Variants in RHBDL3 observed in about 807,000 individuals in gnomAD.
RHBDL3 encodes rhomboid like 3.
RHBDL3 carries 28 observed loss-of-function variants against 48.2 expected under a neutral mutation model. The ratio of observed to expected loss-of-function variants is 0.58; its 90% CI spans 0.43 to 0.80. The LOEUF (loss-of-function observed/expected upper bound fraction) is 0.80, where lower values mean the gene tolerates loss of function less well. RHBDL3 is among the 30% of genes least tolerant of loss of function. The pLI, the probability that RHBDL3 is intolerant of heterozygous loss-of-function variation, is 0.00. For synonymous variants in RHBDL3, 208 were observed against 232.3 expected, an observed-to-expected ratio of 0.90 and a Z score of 0.95; for missense variants, 464 against 542.7, an observed-to-expected ratio of 0.85 and a Z score of 1.44.
Position 32,321,415 on chromosome 17 carries a change from G to A in RHBDL3, c.*186G>A, listed in dbSNP as rs950810437. ...GACCCTTTTCTGAAAGGCATCTGGC[G>A]GAGGAGTTGATGTGGCTGCTGTCGT... On this transcript the variant is annotated 3_prime_UTR_variant, in exon 9 of 9. Coordinates refer to ENST00000269051, the MANE Select transcript of RHBDL3 (RefSeq NM_138328.3). 7.4e-5 allele frequency: 112 copies of A among 1,512,782 alleles called. No individual in the cohort carries two copies. The highest frequency in any genetic ancestry group is 9.6e-5 in the Non-Finnish European group (108 of 1,130,158). The allele number at this position is 1,512,782 out of a possible 1,614,324, so 93.7% of individuals were successfully genotyped here. A position where few individuals can be genotyped will look rare whatever the true frequency, so the allele number is the denominator to read the frequency against.
At position 32,305,409 on chromosome 17, in the gene RHBDL3, C is replaced by CT; in HGVS notation, c.851dup (p.Val285ArgfsTer179). 6.2e-7 allele frequency: 1 copy of CT among 1,613,470 alleles called. No individual in the cohort carries two copies. On this transcript the variant is annotated frameshift_variant, in exon 7 of 9. Transcript: ENST00000269051. LOFTEE classifies it high-confidence loss of function. The stretch of plus-strand genomic sequence containing the variant: ...GGGCTCTTCTGGAGGGGTGTATGCT[C>CT]TCGTCTCTGCCCATCTGGCCAACAT...
chr17:32,270,857 T>A (rs931753537), intron 2 of RHBDL3, among the ~76,000 whole-genome samples: 1 of 152,178 alleles, frequency 6.6e-6, no homozygotes, highest in African/African-American at 2.4e-5. Context: ...AGATTTAAAA[T>A]TTACCATAAA....
At chr17:32,312,469 C>T (rs1463741458) in intron 7 of RHBDL3, among the ~76,000 whole-genome samples, 2 of 151,974 alleles carry the variant, frequency 1.3e-5, no homozygotes, top group Admixed American at 1.3e-4. Flanking sequence ...AAGATATTTA[C>T]TCAGAGGGGG....
At chr17:32,274,150 G>C (rs1348662421) in intron 2 of RHBDL3, among the ~76,000 whole-genome samples, 1 of 152,232 alleles carries the variant, frequency 6.6e-6, no homozygotes, top group African/African-American at 2.4e-5. Context: ...GAACTTTCCA[G>C]AGAGAAAGGA....
Position 32,320,981 on chromosome 17 carries a change from G to A in RHBDL3, c.967G>A (p.Val323Met), listed in dbSNP as rs761559210. 12 of 1,612,994 alleles carry A rather than the reference G, an allele frequency of 7.4e-6. No individual in the cohort carries two copies. Among genetic ancestry groups the A allele is most frequent in the Admixed American group, 1.7e-5 (1 of 60,008 alleles). Residue 323 changes from valine (V) to methionine (M), a missense_variant, in exon 9 of 9, where the codon GTG (valine) becomes ATG (methionine). By Grantham distance (21) the Val-to-Met change is conservative. Coordinates refer to ENST00000269051, the MANE Select transcript of RHBDL3 (RefSeq NM_138328.3). ...ICMSMEFGRAVWLRFHPSAYP... is the reference protein window; with the variant it reads ...ICMSMEFGRAMWLRFHPSAYP... Reference sequence around the variant, plus strand: ...AGTGAGCATGGAGTTTGGGCGGGCCGTGTGGCTCCGCTTCCACCCGTCGGC... The same window carrying A: ...AGTGAGCATGGAGTTTGGGCGGGCCATGTGGCTCCGCTTCCACCCGTCGGC...
At chr17:32,320,203 G>A (rs1164987761) in intron 8 of RHBDL3, among the ~76,000 whole-genome samples, 1 of 152,114 alleles carries the variant, frequency 6.6e-6, no homozygotes, top group Non-Finnish European at 1.5e-5. Context: ...AGCCCGGGAG[G>A]TTGAGGCTGA....
At chr17:32,301,618 T>C (rs2040585293) in intron 6 of RHBDL3, among the ~76,000 whole-genome samples, 1 of 151,810 alleles carries the variant, frequency 6.6e-6, no homozygotes, top group Non-Finnish European at 1.5e-5. Context: ...ATGGGGAGTT[T>C]GAGACCAGCC....
intron 6 of RHBDL3, among the ~76,000 whole-genome samples, chr17:32,302,685 A>G (rs1366564307): frequency 3.9e-5 from 6 of 152,054 alleles, no homozygotes; most frequent in African/African-American, 1.4e-4. Flanking sequence ...CACCTGGCCC[A>G]AAAGTCTTTA....
At chr17:32,281,775 C>G (rs1479920446) in intron 2 of RHBDL3, among the ~76,000 whole-genome samples, 1 of 152,202 alleles carries the variant, frequency 6.6e-6, no homozygotes, top group African/African-American at 2.4e-5. Flanking sequence ...TTAAAAATCT[C>G]TGCCTATGGT....
chr17:32,316,404 A>G (rs2040974990), intron 8 of RHBDL3, 112 bp downstream of exon 8: 1 of 765,694 alleles, frequency 1.3e-6, no homozygotes, highest in East Asian at 2.5e-5. Flanking sequence ...AAAAAGTGGG[A>G]CATGTCAATG....
At chr17:32,310,960 T>C (rs2040835586) in intron 7 of RHBDL3, among the ~76,000 whole-genome samples, 1 of 151,858 alleles carries the variant, frequency 6.6e-6, no homozygotes, top group Non-Finnish European at 1.5e-5. Context: ...CTCCCTAATT[T>C]ATCTGCGTCA....
chr17:32,284,608 G>C, intron 2 of RHBDL3, 51 bp from the exon 3 acceptor site: 1 of 1,582,908 alleles, frequency 6.3e-7, no homozygotes, highest in Non-Finnish European at 8.7e-7. Context: ...ACATCAGTGT[G>C]AAGAGGAGGT....
chr17:32,295,011 C>T (rs1462332536), intron 5 of RHBDL3, among the ~76,000 whole-genome samples: 1 of 152,196 alleles, frequency 6.6e-6, no homozygotes, highest in Non-Finnish European at 1.5e-5. Context: ...CACCCAGGTC[C>T]ATATCCCTTG....
At position 32,286,121 on chromosome 17, in the gene RHBDL3, C is replaced by G. The variant is rs139469493; in HGVS notation, c.294+1304C>G. ...TGAGGGTGAGTCCTGTGACTTGGAA[C>G]CCAGCAGTGCCACCAAAGACCAGGC... On this transcript the variant is annotated intron_variant, in intron 3 of 8. Transcript: ENST00000269051. 5.2e-3 allele frequency among the ~76,000 whole-genome samples: 789 copies of G among 152,228 alleles called. 11 individuals are homozygous for G. Among genetic ancestry groups the G allele is most frequent in the African/African-American group, 0.018 (737 of 41,544 alleles).
chr17:32,269,320 C>T (rs971161056), intron 2 of RHBDL3, among the ~76,000 whole-genome samples: 1 of 152,182 alleles, frequency 6.6e-6, no homozygotes, highest in African/African-American at 2.4e-5. Context: ...TGCACTCCAA[C>T]CTGAGTGACA....
chr17:32,269,848 T>C (rs756346468), intron 2 of RHBDL3, among the ~76,000 whole-genome samples: 11 of 152,006 alleles, frequency 7.2e-5, no homozygotes, highest in Admixed American at 4.6e-4. Flanking sequence ...ACCATTTGGG[T>C]GAAAGGAAGA....
chr17:32,308,969 G>C (rs1348245496), intron 7 of RHBDL3, among the ~76,000 whole-genome samples: 1 of 152,104 alleles, frequency 6.6e-6, no homozygotes, highest in African/African-American at 2.4e-5. Flanking sequence ...AGGAAGCTGA[G>C]GCAGTAGAAT....
Position 32,265,997 on chromosome 17 carries a change from C to T in RHBDL3, c.-193C>T, listed in dbSNP as rs1476309951. Among the ~76,000 whole-genome samples, 1 of 146,248 alleles carries T rather than the reference C, an allele frequency of 6.8e-6. No individual in the cohort carries two copies. Among genetic ancestry groups the T allele is most frequent in the South Asian group, 2.1e-4 (1 of 4,818 alleles). ...GTTTGGCGGCGGAGGGGCCGGGCGT[C>T]CCGGGGTCGCGAGGAGGCGGCGGCG... On this transcript the variant is annotated 5_prime_UTR_variant, in exon 1 of 9. Transcript: ENST00000269051.
chr17:32,269,769 G>C (rs2039728230), intron 2 of RHBDL3, among the ~76,000 whole-genome samples: 1 of 152,094 alleles, frequency 6.6e-6, no homozygotes, highest in African/African-American at 2.4e-5. Context: ...TTCTCTGTCT[G>C]TGTCTATCTT....
Sources: gnomAD v4.1 joint callset for allele counts (sites outside exome capture counted in the v4.1 genomes callset) on GRCh38, gnomAD v4.1.1 for gene constraint, MANE v1.5 for transcripts, NCBI Gene and HGNC (gene_info 2026-07-23, HGNC 2026-07-21) for gene names.